Variants in PHLDB2 observed in about 807,000 individuals in gnomAD.
PHLDB2 encodes the protein pleckstrin homology like domain family B member 2, also known as pleckstrin homology-like domain family B member 2.
Under a neutral mutation model 123.6 loss-of-function variants are expected in PHLDB2, and 71 were observed. That is an observed-to-expected ratio of 0.57 (90% CI 0.47 to 0.70). The LOEUF (loss-of-function observed/expected upper bound fraction) is 0.70. PHLDB2 is among the 30% of genes least tolerant of loss of function. PHLDB2 has a pLI of 0.00. For missense variants in PHLDB2, 1,446 were observed against 1,519.5 expected (o/e 0.95, Z 0.80); for synonymous variants, 547 against 541.6 (o/e 1.01, Z -0.14).
chr3:111,752,071 C>T (rs2059787089), intron 1 of PHLDB2, among the ~76,000 whole-genome samples: 1 of 152,104 alleles, frequency 6.6e-6, no homozygotes, highest in African/African-American at 2.4e-5. Context: ...CTGAGCAAAC[C>T]ACAGAAACAT....
chr3:111,958,594 G>T, intron 12 of PHLDB2: 1 of 414,206 alleles, frequency 2.4e-6, no homozygotes, highest in South Asian at 1.8e-5. Context: ...AGCTGAACTG[G>T]TTTGGGTTCC....
chr3:111,766,528 T>C (rs1332493413), intron 1 of PHLDB2, among the ~76,000 whole-genome samples: 1 of 151,974 alleles, frequency 6.6e-6, no homozygotes, highest in Non-Finnish European at 1.5e-5. Flanking sequence ...TTGCATGTAA[T>C]TTCATAGGGT....
chr3:111,932,438 G>A (rs754914), intron 6 of PHLDB2, 41 bp downstream of exon 6: 382,643 of 1,518,182 alleles, frequency 0.25, 50,047 homozygotes, highest in Non-Finnish European at 0.27. Context: ...TTTGCTTTTC[G>A]TTTTTGTTTT....
Position 111,841,350 on chromosome 3 carries a change from G to T in PHLDB2, c.-48-4471G>T, listed in dbSNP as rs2063685025. ...GTTATTGAGTAGGAGTAGGAGGAGG[G>T]GGGAACTGTAAAGGAATGAAAAAGG... is the stretch of plus-strand genomic sequence containing the variant. On this transcript the variant is annotated intron_variant, in intron 1 of 17. Coordinates refer to the PHLDB2 transcript ENST00000393923. Among the ~76,000 whole-genome samples, 3 of 152,114 alleles carry T rather than the reference G, an allele frequency of 2.0e-5. No homozygotes were observed. The South Asian group carries it at 6.2e-4, about 32-fold the overall frequency.
In PHLDB2 at chr3:111,958,798, A is replaced by G. The variant is rs1165726219; in HGVS notation, c.2873-3310A>G. The G allele has an allele frequency of 6.7e-6, 3 of 448,212 alleles. No homozygotes were observed. In the Admixed American group the frequency reaches 7.4e-5, roughly 11 times the overall value. 27.8% of individuals were successfully genotyped at this position (448,212 alleles called of 1,614,324 possible). On this transcript the variant is annotated intron_variant, in intron 12 of 17. Transcript: ENST00000431670. ...CATAATTAAAAAACAGAAACCAAAT[A>G]GTCTCAGGGGTTGGGAAAGTCTCAT...
At chr3:111,947,396 C>T (rs2107620965) in intron 9 of PHLDB2, among the ~76,000 whole-genome samples, 1 of 152,226 alleles carries the variant, frequency 6.6e-6, no homozygotes, top group East Asian at 1.9e-4. Context: ...GCTGTGTGTT[C>T]ACTTTCCTGT....
chr3:111,792,325 TAATG>T (rs2060962233), intron 1 of PHLDB2, among the ~76,000 whole-genome samples: 1 of 152,226 alleles, frequency 6.6e-6, no homozygotes, highest in Admixed American at 6.5e-5. Context: ...AAGCATGAGA[TAATG>T]AATATGAGAT....
chr3:111,907,344 A>G (rs774591258), intron 2 of PHLDB2, among the ~76,000 whole-genome samples: 66 of 152,218 alleles, frequency 4.3e-4, no homozygotes, highest in Non-Finnish European at 1.9e-4. Flanking sequence ...CACGGGGCAG[A>G]GTCCAAAGAG....
intron 1 of PHLDB2, among the ~76,000 whole-genome samples, chr3:111,744,303 A>G (rs1177843369): frequency 6.6e-6 from 1 of 152,230 alleles, no homozygotes; most frequent in Non-Finnish European, 1.5e-5. Context: ...GTTAATGAGC[A>G]TGTGGGGAGC....
At chr3:111,889,824 C>G (rs1380539408) in intron 2 of PHLDB2, among the ~76,000 whole-genome samples, 1 of 152,070 alleles carries the variant, frequency 6.6e-6, no homozygotes, top group African/African-American at 2.4e-5. Flanking sequence ...CCAATCAGAA[C>G]AGTAGGCCTT....
At chr3:111,964,292 C>T (rs1034059871) in intron 13 of PHLDB2, among the ~76,000 whole-genome samples, 1 of 152,022 alleles carries the variant, frequency 6.6e-6, no homozygotes, top group African/African-American at 2.4e-5. Flanking sequence ...TCACCACACA[C>T]ACACACACAC....
chr3:111,859,153 C>A, upstream of PHLDB2: 1 of 984,026 alleles, frequency 1.0e-6, no homozygotes, highest in Non-Finnish European at 1.2e-6. Flanking sequence ...GTGCGGTCAC[C>A]TGGAGTTTCC....
intron 1 of PHLDB2, among the ~76,000 whole-genome samples, chr3:111,776,337 T>G (rs754942586): frequency 6.6e-5 from 10 of 152,172 alleles, no homozygotes; most frequent in Admixed American, 5.2e-4. Context: ...TCTTTAGGAC[T>G]GTGTATAGGG....
chr3:111,733,345 AC>A (rs1290694069), intron 1 of PHLDB2, among the ~76,000 whole-genome samples: 1 of 152,190 alleles, frequency 6.6e-6, no homozygotes, highest in Non-Finnish European at 1.5e-5. Flanking sequence ...CAGGAGGACC[AC>A]CAAAGCCTTT....
rs183886316 is a variant in PHLDB2, at chr3:111,975,058, T to C, written c.*495T>C. 2.8e-3 allele frequency: 433 copies of C among 152,610 alleles called. 8 individuals carry two copies. Among genetic ancestry groups the C allele is most frequent in the Non-Finnish European group, 3.2e-4 (22 of 68,048 alleles). The allele number at this position is 152,610 out of a possible 1,614,324, so 9.5% of individuals were successfully genotyped here. Reference sequence around the variant, plus strand: ...GAGGGAAATACATTTTAGGAGGAGTTTTGCCTTAATTTTTTAAGTACTGCA... The same window carrying C: ...GAGGGAAATACATTTTAGGAGGAGTCTTGCCTTAATTTTTTAAGTACTGCA... On this transcript the variant is annotated 3_prime_UTR_variant, in exon 18 of 18. Coordinates refer to ENST00000431670, the MANE Select transcript of PHLDB2 (RefSeq NM_001134438.2).
intron 1 of PHLDB2, among the ~76,000 whole-genome samples, chr3:111,813,135 T>TA (rs2061916732): frequency 6.6e-6 from 1 of 152,170 alleles, no homozygotes; most frequent in Admixed American, 6.6e-5. Context: ...CATTCAAGTA[T>TA]AAAAAAACTG....
chr3:111,919,807 G>A (rs539111242), intron 4 of PHLDB2, among the ~76,000 whole-genome samples: 3 of 152,214 alleles, frequency 2.0e-5, no homozygotes, highest in African/African-American at 4.8e-5. Context: ...GATACCAATA[G>A]GCCCTTAAGT....
intron 1 of PHLDB2, among the ~76,000 whole-genome samples, chr3:111,761,759 G>C (rs979285295): frequency 6.6e-6 from 1 of 152,098 alleles, no homozygotes; most frequent in Non-Finnish European, 1.5e-5. Flanking sequence ...ATGCTGGTCG[G>C]GGATACCACA....
chr3:111,837,294 C>T (rs3925081), intron 1 of PHLDB2, among the ~76,000 whole-genome samples: 110,246 of 152,092 alleles, frequency 0.72, 40,298 homozygotes, highest in Middle Eastern at 0.85. Flanking sequence ...GAAGTTCTTA[C>T]GCAACCTTGT....
Sources: gnomAD v4.1 joint callset for allele counts (sites outside exome capture counted in the v4.1 genomes callset) on GRCh38, gnomAD v4.1.1 for gene constraint, MANE v1.5 for transcripts, NCBI Gene and HGNC (gene_info 2026-07-23, HGNC 2026-07-21) for gene names.